GRIA2: variants seen among roughly 807,000 people sequenced by gnomAD.
GRIA2 encodes the protein glutamate receptor 2.
GRIA2 carries 14 observed loss-of-function variants against 97.3 expected under a neutral mutation model. The observed-to-expected ratio is 0.14, with a 90% CI of 0.10 to 0.23. GRIA2 has a LOEUF of 0.23. Ranked by LOEUF, GRIA2 falls within the 10% of genes least tolerant of loss-of-function variation. GRIA2 has a pLI of 1.00. For synonymous variants in GRIA2, 412 were observed against 387.8 expected (o/e 1.06, Z -0.73); for missense variants, 558 against 1,069.8 (o/e 0.52, Z 6.67).
chr4:157,351,425 C>T (rs1736005899), intron 12 of GRIA2, among the ~76,000 whole-genome samples: 1 of 152,058 alleles, frequency 6.6e-6, no homozygotes, highest in Non-Finnish European at 1.5e-5. Flanking sequence ...ATAGTTAATA[C>T]ATAAGGTATA....
intron 2 of GRIA2, among the ~76,000 whole-genome samples, chr4:157,291,362 G>C (rs1348877996): frequency 6.6e-6 from 1 of 151,820 alleles, no homozygotes; most frequent in Non-Finnish European, 1.5e-5. Context: ...GGTATATTCA[G>C]AATTGGCTAT....
intron 2 of GRIA2, among the ~76,000 whole-genome samples, chr4:157,250,697 G>A (rs573375745): frequency 6.6e-6 from 1 of 152,082 alleles, no homozygotes; most frequent in South Asian, 2.1e-4. Flanking sequence ...AATCAAGAAG[G>A]CCCATTTGCT....
At chr4:157,228,826 G>T in intron 2 of GRIA2, among the ~76,000 whole-genome samples, 1 of 121,600 alleles carries the variant, frequency 8.2e-6, no homozygotes, top group Admixed American at 8.5e-5. Flanking sequence ...AAAAAAGAAT[G>T]ACCCCCCCAC....
At chr4:157,282,791 T>A (rs558407167) in intron 2 of GRIA2, among the ~76,000 whole-genome samples, 1 of 152,234 alleles carries the variant, frequency 6.6e-6, no homozygotes, top group South Asian at 2.1e-4. Flanking sequence ...CTCAGGTCTA[T>A]TTCTGGCAAT....
chr4:157,292,560 G>A (rs1306804204), intron 2 of GRIA2, among the ~76,000 whole-genome samples: 1 of 151,632 alleles, frequency 6.6e-6, no homozygotes, highest in Non-Finnish European at 1.5e-5. Flanking sequence ...CACGGAAAAA[G>A]GTAAGAGAAA....
At chr4:157,225,539 G>A (rs1295612321) in intron 2 of GRIA2, among the ~76,000 whole-genome samples, 1 of 151,770 alleles carries the variant, frequency 6.6e-6, no homozygotes, top group Non-Finnish European at 1.5e-5. Flanking sequence ...TGGGTCCTAG[G>A]AATCCAATCA....
intron 4 of GRIA2, among the ~76,000 whole-genome samples, chr4:157,313,899 C>A (rs968225907): frequency 2.0e-5 from 3 of 151,832 alleles, no homozygotes; most frequent in African/African-American, 7.3e-5. Context: ...GTATTATATA[C>A]CATATTGTTA....
At chr4:157,360,574 T>A (rs1000900883) in intron 13 of GRIA2, 3 of 403,522 alleles carry the variant, frequency 7.4e-6, no homozygotes, top group Admixed American at 3.2e-5. Context: ...TGCCACTTTT[T>A]AATTTTCATT....
At chr4:157,359,868 G>C in intron 12 of GRIA2, 28 bp from the exon 13 acceptor site, 4 of 1,602,300 alleles carry the variant, frequency 2.5e-6, no homozygotes, top group Non-Finnish European at 3.4e-6. Flanking sequence ...ATCTCTTAAT[G>C]CTATCTGGCC....
At chr4:157,244,775 TA>T (rs1265441202) in intron 2 of GRIA2, among the ~76,000 whole-genome samples, 3 of 151,858 alleles carry the variant, frequency 2.0e-5, no homozygotes, top group Admixed American at 6.6e-5. Context: ...GTGAATGATA[TA>T]AAAAAAATCA....
At chr4:157,283,819 T>C (rs1440475534) in intron 2 of GRIA2, among the ~76,000 whole-genome samples, 1 of 151,732 alleles carries the variant, frequency 6.6e-6, no homozygotes, top group Non-Finnish European at 1.5e-5. Context: ...ATTGGTAAAA[T>C]AGAGATAAGA....
At position 157,226,708 on chromosome 4, in the gene GRIA2, T is replaced by C. The variant is rs72962805; in HGVS notation, c.229+4901T>C. On this transcript the variant is annotated intron_variant, in intron 2 of 15. Coordinates refer to ENST00000264426, the MANE Select transcript of GRIA2 (RefSeq NM_001083619.3). ...ATTATAGAGTGTAAATAGTTACAGA[T>C]TGGCTACGCGATCCTGTTTTGTCAT... 7.2e-3 allele frequency among the ~76,000 whole-genome samples: 1,091 copies of C among 152,224 alleles called. 8 individuals carry two copies. The highest frequency in any genetic ancestry group is 0.025 in the African/African-American group (1,038 of 41,556).
chr4:157,275,032 G>T (rs1344359580), intron 2 of GRIA2, among the ~76,000 whole-genome samples: 1 of 151,838 alleles, frequency 6.6e-6, no homozygotes, highest in Non-Finnish European at 1.5e-5. Context: ...AGCGCCTGTT[G>T]TTTCCTGACT....
Position 157,334,015 on chromosome 4 carries a change from C to G in GRIA2, c.1161C>G (p.Gly387=). 1 of 1,545,436 alleles carries G rather than the reference C, an allele frequency of 6.5e-7. No homozygotes were observed. Among genetic ancestry groups the G allele is most frequent in the Non-Finnish European group, 8.9e-7 (1 of 1,117,964 alleles). Residue 387 remains glycine, a synonymous_variant, in exon 9 of 16, where the codon GGC becomes GGG. Transcript: ENST00000264426. ...ELKTNGPRKI[G]YWSEVDKMVV... is the part of the protein sequence containing the mutation. ...TCTGCTGTAACCTTTTCCAGATTGG[C>G]TACTGGAGTGAAGTGGACAAAATGG...
chr4:157,316,287 T>C (rs1230489943), intron 4 of GRIA2, among the ~76,000 whole-genome samples: 1 of 152,132 alleles, frequency 6.6e-6, no homozygotes, highest in African/African-American at 2.4e-5. Context: ...ACACGGAGGG[T>C]TCAGTTTCTT....
Position 157,220,758 on chromosome 4 carries a change from A to G in GRIA2, c.-285A>G. ...TGTGTGAGTGCATGGGAGGGTGCTG[A>G]ATATTCCGAGACACTGGGACCACAG... On this transcript the variant is annotated 5_prime_UTR_variant, in exon 1 of 16. It removes the in-frame stop codon of an upstream open reading frame in the 5' UTR. Coordinates refer to ENST00000264426, the MANE Select transcript of GRIA2 (RefSeq NM_001083619.3). The G allele has an allele frequency of 2.0e-6, 1 of 497,794 alleles. No homozygotes were observed. Among genetic ancestry groups the G allele is most frequent in the Non-Finnish European group, 3.6e-6 (1 of 274,442 alleles). 30.8% of individuals were successfully genotyped at this position (497,794 alleles called of 1,614,324 possible).
chr4:157,241,962 A>G (rs918673483), intron 2 of GRIA2, among the ~76,000 whole-genome samples: 3 of 152,088 alleles, frequency 2.0e-5, no homozygotes, highest in Non-Finnish European at 2.9e-5. Context: ...CACATTACCA[A>G]TCTTATTTCA....
intron 2 of GRIA2, among the ~76,000 whole-genome samples, chr4:157,243,729 A>G (rs1730606895): frequency 6.6e-6 from 1 of 152,102 alleles, no homozygotes; most frequent in Non-Finnish European, 1.5e-5. Flanking sequence ...TGTGTGCTGT[A>G]TGTACCTGTG....
chr4:157,288,291 C>A (rs1468795373), intron 2 of GRIA2, among the ~76,000 whole-genome samples: 1 of 151,544 alleles, frequency 6.6e-6, no homozygotes, highest in East Asian at 1.9e-4. Context: ...AAAACGACAG[C>A]CAAAACCAAA....
Sources: gnomAD v4.1 joint callset for allele counts (sites outside exome capture counted in the v4.1 genomes callset) on GRCh38, gnomAD v4.1.1 for gene constraint, MANE v1.5 for transcripts, NCBI Gene and HGNC (gene_info 2026-07-23, HGNC 2026-07-21) for gene names.